The following MAP7D3 variants were observed in gnomAD, a reference collection of about 807,000 sequenced individuals.
The protein encoded by MAP7D3 is MAP7 domain containing 3, also known as MAP7 domain-containing protein 3.
Under a neutral mutation model 62.2 loss-of-function variants are expected in MAP7D3, and 45 were observed. The observed-to-expected ratio is 0.72, with a 90% confidence interval of 0.57 to 0.93. MAP7D3 has a LOEUF of 0.93. Ranked by LOEUF, MAP7D3 falls within the 40% of genes least tolerant of loss-of-function variation. MAP7D3 has a pLI of 0.00. For missense variants in MAP7D3, 711 were observed against 683.1 expected, an observed-to-expected ratio of 1.04 and a Z score of -0.45; for synonymous variants, 288 against 248.8, an observed-to-expected ratio of 1.16 and a Z score of -1.48.
chrX:136,248,208 G>A (rs997529647), intron 1 of MAP7D3, among the ~76,000 whole-genome samples: 18 of 111,888 alleles, frequency 1.6e-4, no homozygotes, highest in Admixed American at 1.2e-3. Flanking sequence ...CTTTTACCAG[G>A]CTAATTAAAA....
chrX:136,242,566 G>C (rs888310695), intron 4 of MAP7D3, among the ~76,000 whole-genome samples: 3 of 110,938 alleles, frequency 2.7e-5, no homozygotes, highest in African/African-American at 9.9e-5. Context: ...TAGCTATCTG[G>C]GGTTTTCTTT....
Position 136,219,505 on chromosome X carries a change from G to GA in MAP7D3, c.2566-11dup, listed in dbSNP as rs1315340369. ...CAGATTTTGTTTGTGCCTGTCAGGA[G>GA]AAAAATGTGACAAAGATAGTTCTGT... On this transcript the variant is annotated splice_polypyrimidine_tract_variant and intron_variant, in intron 17 of 18. Transcript: ENST00000316077. 8.3e-7 allele frequency: 1 copy of GA among 1,199,230 alleles called. No individual in the cohort carries two copies. The highest frequency in any genetic ancestry group is 3.0e-5 in the East Asian group (1 of 33,813).
In MAP7D3 at chrX:136,227,491, C is replaced by G. The variant is rs996413314; in HGVS notation, c.1887-60G>C. 7.9e-6 allele frequency: 7 copies of G among 889,413 alleles called. No homozygotes were observed. The African/African-American group carries it at 1.4e-4, about 18-fold the overall frequency. The allele number at this position is 889,413 out of a possible 1,213,427, so 73.3% of individuals were successfully genotyped here. A position where few individuals can be genotyped will look rare whatever the true frequency, so the allele number is the denominator to read the frequency against. ...TGATTGCTATCATACTCAGCTTGCA[C>G]TAGTGAGTTTTTATAGTGAAACTTC... On this transcript the variant is annotated intron_variant, in intron 11 of 18. Coordinates refer to ENST00000316077, the MANE Select transcript of MAP7D3 (RefSeq NM_024597.4).
At chrX:136,214,747 C>T (rs1308258888), downstream of MAP7D3, 1 of 112,210 alleles carries the variant, frequency 8.9e-6, no homozygotes, top group Non-Finnish European at 1.9e-5. Flanking sequence ...ATGCAGTGTC[C>T]ACAATGACAC....
At position 136,219,440 on chromosome X, in the gene MAP7D3, A is replaced by T. The variant is rs1443724662; in HGVS notation, c.2621T>A (p.Phe874Tyr). Residue 874 changes from phenylalanine (F) to tyrosine (Y), a missense_variant, in exon 18 of 19, where the codon TTT becomes TAT. Coordinates refer to ENST00000316077, the MANE Select transcript of MAP7D3 (RefSeq NM_024597.4). The stretch of plus-strand genomic sequence containing the variant: ...GGTTTGCTTCTTCTCTTATTGTCTA[A>T]AGGTGTCTGAGGACTTTGGCAAGAT... ...HDILPKSSDT[F>Y]RQ 1 of 1,202,786 alleles carries T rather than the reference A, an allele frequency of 8.3e-7. No homozygotes were observed. Among genetic ancestry groups the T allele is most frequent in the East Asian group, 3.0e-5 (1 of 33,812 alleles).
intron 4 of MAP7D3, among the ~76,000 whole-genome samples, chrX:136,243,881 T>C (rs1353958678): frequency 9.0e-6 from 1 of 110,595 alleles, no homozygotes; most frequent in Non-Finnish European, 1.9e-5. Context: ...ATGAGACAGG[T>C]AGCCAGATGC....
chrX:136,236,357 A>G lies in MAP7D3; in HGVS notation c.641-18T>C. 1 of 997,832 alleles carries G rather than the reference A, an allele frequency of 1.0e-6. No individual in the cohort carries two copies. Among genetic ancestry groups the G allele is most frequent in the Non-Finnish European group, 1.4e-6 (1 of 715,437 alleles). 82.2% of individuals were successfully genotyped at this position (997,832 alleles called of 1,213,427 possible). ...TGTTTTCCCTAGAGAGCAAGTACAAAAGGAATATTAGTTTTCATAAACTAC... is the reference window on the plus strand; with the variant it reads ...TGTTTTCCCTAGAGAGCAAGTACAAGAGGAATATTAGTTTTCATAAACTAC... On this transcript the variant is annotated intron_variant, in intron 6 of 18. Coordinates refer to ENST00000316077, the MANE Select transcript of MAP7D3 (RefSeq NM_024597.4).
At chrX:136,240,562 T>A in intron 5 of MAP7D3, 76 bp from the exon 6 acceptor site, 1 of 676,181 alleles carries the variant, frequency 1.5e-6, no homozygotes. Context: ...AAAATGAGTT[T>A]TCATGATATA....
chrX:136,245,796 T>C (rs938832581), intron 3 of MAP7D3, among the ~76,000 whole-genome samples: 2 of 111,594 alleles, frequency 1.8e-5, no homozygotes, highest in African/African-American at 6.5e-5. Flanking sequence ...CCCATTCTGA[T>C]TGTTTTTACA....
At chrX:136,214,402 T>C, downstream of MAP7D3, 1 of 111,775 alleles carries the variant, frequency 8.9e-6, no homozygotes, top group East Asian at 2.8e-4. Flanking sequence ...TAAAATGTCA[T>C]GCACAGTCCG....
chrX:136,246,943 T>C (rs907333926), intron 1 of MAP7D3, among the ~76,000 whole-genome samples: 2 of 112,080 alleles, frequency 1.8e-5, no homozygotes, highest in East Asian at 5.6e-4. Context: ...GCCTGCCCGC[T>C]CCCCATCACC....
In MAP7D3 at chrX:136,246,124, T is replaced by C. The variant is rs766170163; in HGVS notation, c.194A>G (p.Asn65Ser). Residue 65 changes from asparagine (N) to serine (S), a missense_variant, in exon 3 of 19, where the codon AAT (asparagine) becomes AGT (serine). By Grantham distance (46) the Asn-to-Ser change is conservative (BLOSUM62 1). Transcript: ENST00000316077. ...KPVIDGSMLK[N>S]DIKQRLARER... ...TCTTGCTAATCTTTGTTTTATGTCA[T>C]TTTTAAGCATGGATCCATCGATTAC... is the stretch of plus-strand genomic sequence containing the variant. 2 of 1,197,264 alleles carry C rather than the reference T, an allele frequency of 1.7e-6. No homozygotes were observed. Among genetic ancestry groups the C allele is most frequent in the Non-Finnish European group, 2.3e-6 (2 of 884,272 alleles).
At chrX:136,244,232 C>T (rs1018318500) in intron 4 of MAP7D3, among the ~76,000 whole-genome samples, 1 of 111,438 alleles carries the variant, frequency 9.0e-6, no homozygotes, top group Non-Finnish European at 1.9e-5. Context: ...AGAAATCGGT[C>T]AGATGAGGGC....
chrX:136,231,487 A>C, intron 8 of MAP7D3, 57 bp downstream of exon 8: 2 of 1,013,045 alleles, frequency 2.0e-6, no homozygotes. Flanking sequence ...CGTGAACTAT[A>C]CAACAAAATA....
downstream of MAP7D3, chrX:136,214,307 C>A (rs951699056): frequency 9.0e-6 from 1 of 111,629 alleles, no homozygotes; most frequent in African/African-American, 3.3e-5. Flanking sequence ...GAGGCTGTTT[C>A]GGGGCCTGTT....
intron 7 of MAP7D3, 149 bp from the exon 8 acceptor site, chrX:136,232,369 T>C: frequency 2.2e-6 from 1 of 456,350 alleles, no homozygotes; most frequent in Non-Finnish European, 3.8e-6. Context: ...AAATGCTTAG[T>C]GAAATGGATG....
chrX:136,215,770 T>C (rs1256123755), downstream of MAP7D3, among the ~76,000 whole-genome samples: 1 of 111,831 alleles, frequency 8.9e-6, no homozygotes, highest in African/African-American at 3.3e-5. Context: ...AACATTTGTT[T>C]TGCCACTCAC....
chrX:136,218,867 T>C (rs2074090180), intron 18 of MAP7D3, among the ~76,000 whole-genome samples: 1 of 111,195 alleles, frequency 9.0e-6, no homozygotes, highest in Admixed American at 9.5e-5. Context: ...ATTTTTTTTT[T>C]TGAGACAGAG....
At chrX:136,230,650 T>C (rs748125054) in intron 9 of MAP7D3, 57 bp from the exon 10 acceptor site, 10 of 902,692 alleles carry the variant, frequency 1.1e-5, no homozygotes, top group Middle Eastern at 2.8e-4. Context: ...TTTCATAAAA[T>C]ATAAGATGCT....
Sources: gnomAD v4.1 joint callset for allele counts (sites outside exome capture counted in the v4.1 genomes callset) on GRCh38, gnomAD v4.1.1 for gene constraint, MANE v1.5 for transcripts, NCBI Gene and HGNC (gene_info 2026-07-23, HGNC 2026-07-21) for gene names.